ARGLU1: variants seen among roughly 807,000 people sequenced by gnomAD.
ARGLU1 encodes arginine and glutamate rich 1.
In ARGLU1, 9 loss-of-function variants were observed where a neutral mutation model predicts 37.6. The observed-to-expected ratio is 0.24, with a 90% CI of 0.14 to 0.42. The LOEUF (loss-of-function observed/expected upper bound fraction) is 0.42, where lower values mean the gene tolerates loss of function less well. Among genes scored for constraint, ARGLU1 ranks in the 10% least tolerant of loss-of-function variants. The pLI, the probability that ARGLU1 is intolerant of heterozygous loss-of-function variation, is 1.00. For missense variants in ARGLU1, 211 were observed against 359.2 expected (o/e 0.59, Z 3.34); for synonymous variants, 166 against 138.5 (o/e 1.20, Z -1.39).
rs529663583 is a variant in ARGLU1 at position 106,558,771 on chromosome 13, A to T, written c.573+661T>A. Reference sequence around the variant, plus strand: ...TCATAACTCTCTAGAGAAAAAAAGGAGTTGTTAGTAGATACTAAAAAAAGT... The same window carrying T: ...TCATAACTCTCTAGAGAAAAAAAGGTGTTGTTAGTAGATACTAAAAAAAGT... On this transcript the variant is annotated intron_variant, in intron 2 of 3. Coordinates refer to ENST00000400198, the MANE Select transcript of ARGLU1 (RefSeq NM_018011.4). The T allele has an allele frequency of 2.6e-5, 26 of 985,326 alleles. No homozygotes were observed. The Admixed American group carries it at 1.3e-3, about 49-fold the overall frequency. The allele number at this position is 985,326 out of a possible 1,614,324, so 61.0% of individuals were successfully genotyped here.
chr13:106,545,499 C>T (rs1488924208), intron 3 of ARGLU1, among the ~76,000 whole-genome samples: 5 of 151,966 alleles, frequency 3.3e-5, no homozygotes, highest in East Asian at 1.9e-4. Flanking sequence ...CTTTTAAAAA[C>T]GTTCTCTCTT....
At position 106,567,619 on chromosome 13, in the gene ARGLU1, G is replaced by C. The variant is rs1177488655; in HGVS notation, c.301C>G (p.Arg101Gly). The C allele has an allele frequency of 6.2e-7, 1 of 1,613,100 alleles. No individual in the cohort carries two copies. Among genetic ancestry groups the C allele is most frequent in the African/African-American group, 1.3e-5 (1 of 74,780 alleles). ...TCCGCTTTCTTCTCCTCCTCCTCTC[G>C]CTTCTGCTTCTCGTCCAGGCTGCTG... is the stretch of plus-strand genomic sequence containing the variant. ...KRSSLDEKQK[R>G]EEEEKKAEFE... The change falls in exon 1 of 4, where the codon CGA becomes GGA. Residue 101 changes from arginine (R) to glycine (G), a missense_variant. By Grantham distance (125) the Arg-to-Gly change is moderately radical. Transcript: ENST00000400198. This position sits in a 1 kb window ranked among gnomAD's most constrained non-coding sequence, Gnocchi z 4.3.
rs184909466 is a variant in ARGLU1 at position 106,553,930 on chromosome 13, C to A, written c.657+3118G>T. Among the ~76,000 whole-genome samples the A allele has an allele frequency of 8.1e-4, 124 of 152,288 alleles. 1 individual carries two copies. Among genetic ancestry groups the A allele is most frequent in the African/African-American group, 2.8e-3 (116 of 41,556 alleles). On this transcript the variant is annotated intron_variant, in intron 3 of 3. Coordinates refer to ENST00000400198, the MANE Select transcript of ARGLU1 (RefSeq NM_018011.4). ...GATGGCTGCTACTTTACTATAGCTCCTTCTTCCAATATCCCAAGTTTCCAC... is the reference window on the plus strand; with the variant it reads ...GATGGCTGCTACTTTACTATAGCTCATTCTTCCAATATCCCAAGTTTCCAC...
In ARGLU1 at chr13:106,567,899, C is replaced by T; in HGVS notation, c.21G>A (p.Arg7=). The T allele has an allele frequency of 6.2e-7, 1 of 1,609,616 alleles. No individual in the cohort carries two copies. The highest frequency in any genetic ancestry group is 8.5e-7 in the Non-Finnish European group (1 of 1,179,472). ...TGGTGTGCTTGGAGCGGGACGAGCT[C>T]CGGCTCCGAGACCGGCCCATCCTTC... MGRSRS[R]SSSRSKHTKS... Residue 7 remains arginine (R), a synonymous_variant, in exon 1 of 4, where the codon CGG becomes CGA. Transcript: ENST00000400198. This position sits in a 1 kb window ranked among gnomAD's most constrained non-coding sequence, Gnocchi z 4.3.
chr13:106,560,289 G>A (rs1382687403), intron 1 of ARGLU1, among the ~76,000 whole-genome samples: 1 of 152,126 alleles, frequency 6.6e-6, no homozygotes, highest in East Asian at 1.9e-4. Flanking sequence ...AAATGGGAAA[G>A]TGGGTAAAAA....
At chr13:106,562,998 AAAAAAAAAAAC>A (rs1384149436) in intron 1 of ARGLU1, among the ~76,000 whole-genome samples, 2 of 131,290 alleles carry the variant, frequency 1.5e-5, no homozygotes, top group Non-Finnish European at 3.2e-5. Context: ...CTCAAAAAAA[AAAAAAAAAAAC>A]AAAAAAAAAA....
rs1334112532 is a variant in ARGLU1, at chr13:106,557,174, T to A, written c.574-43A>T. On this transcript the variant is annotated intron_variant, in intron 2 of 3. Transcript: ENST00000400198. This position sits in a 1 kb window ranked among gnomAD's most constrained non-coding sequence, Gnocchi z 5.0. ...TTAAGATATTAGAAAAACAAAATGT[T>A]TATTTTTATTGATAAATATTTACTA... 1.3e-5 allele frequency: 19 copies of A among 1,490,824 alleles called. No individual in the cohort carries two copies. Among genetic ancestry groups the A allele is most frequent in the Non-Finnish European group, 1.7e-5 (18 of 1,072,628 alleles). 92.3% of individuals were successfully genotyped at this position (1,490,824 alleles called of 1,614,324 possible).
In ARGLU1 at chr13:106,567,439, G is replaced by A. The variant is rs1249152040; in HGVS notation, c.347+134C>T. On this transcript the variant is annotated intron_variant, in intron 1 of 3. Coordinates refer to ENST00000400198, the MANE Select transcript of ARGLU1 (RefSeq NM_018011.4). The surrounding 1 kb of genome is among the most constrained non-coding windows in gnomAD (Gnocchi z 4.3). ...CGCCCCGCCGCCGCCTCTCCGACCC[G>A]TTCCCGCGCCCGGTCCCCAGCCCCG... is the stretch of plus-strand genomic sequence containing the variant. 1.4e-5 allele frequency: 8 copies of A among 588,100 alleles called. No individual in the cohort carries two copies. Among genetic ancestry groups the A allele is most frequent in the African/African-American group, 2.0e-5 (1 of 49,244 alleles). 36.4% of individuals were successfully genotyped at this position (588,100 alleles called of 1,614,324 possible). A position where few individuals can be genotyped will look rare whatever the true frequency, so the allele number is the denominator to read the frequency against.
chr13:106,555,862 A>G (rs1880649816), intron 3 of ARGLU1, among the ~76,000 whole-genome samples: 2 of 152,136 alleles, frequency 1.3e-5, no homozygotes, highest in African/African-American at 2.4e-5. Context: ...TCTCTTTAAC[A>G]TGTCCTAATG....
intron 1 of ARGLU1, among the ~76,000 whole-genome samples, chr13:106,565,685 T>C (rs1344456152): frequency 6.6e-6 from 1 of 152,228 alleles, no homozygotes; most frequent in African/African-American, 2.4e-5. Flanking sequence ...TTCTTTTGCA[T>C]TGTTTCCAAG....
chr13:106,543,900 TA>T lies in ARGLU1; in HGVS notation c.*95del. Reference sequence around the variant, plus strand: ...AGCTAACTTTCCAGATTTTACAAATTAAAAAAACAAAAACAAAAACAAAAAA... The same window carrying T: ...AGCTAACTTTCCAGATTTTACAAATTAAAAAACAAAAACAAAAACAAAAAA... On this transcript the variant is annotated 3_prime_UTR_variant, in exon 4 of 4. Transcript: ENST00000400198. 1 of 1,276,408 alleles carries T rather than the reference TA, an allele frequency of 7.8e-7. No individual in the cohort carries two copies. The highest frequency in any genetic ancestry group is 1.1e-6 in the Non-Finnish European group (1 of 938,464). 79.1% of individuals were successfully genotyped at this position (1,276,408 alleles called of 1,614,324 possible).
At chr13:106,558,847 G>A (rs1396201138) in intron 2 of ARGLU1, 1 of 985,228 alleles carries the variant, frequency 1.0e-6, no homozygotes, top group Non-Finnish European at 1.2e-6. Flanking sequence ...AAACACATTA[G>A]GAAAATGGAG....
chr13:106,546,185 T>C (rs1880386282), intron 3 of ARGLU1, among the ~76,000 whole-genome samples: 1 of 152,194 alleles, frequency 6.6e-6, no homozygotes, highest in Non-Finnish European at 1.5e-5. Flanking sequence ...TCTAAAATGG[T>C]GCCCGTTTCC....
Position 106,557,832 on chromosome 13 carries a change from G to C in ARGLU1, c.574-701C>G. On this transcript the variant is annotated intron_variant, in intron 2 of 3. Coordinates refer to ENST00000400198, the MANE Select transcript of ARGLU1 (RefSeq NM_018011.4). The surrounding 1 kb of genome is among the most constrained non-coding windows in gnomAD (Gnocchi z 5.0). ...ATACAAATGGTAATCCATACTTCAT[G>C]GAACTACGGGCTTCTTCCATGGGGA... 3 of 1,232,050 alleles carry C rather than the reference G, an allele frequency of 2.4e-6. No homozygotes were observed. Among genetic ancestry groups the C allele is most frequent in the Non-Finnish European group, 3.0e-6 (3 of 985,062 alleles). The allele number at this position is 1,232,050 out of a possible 1,614,324, so 76.3% of individuals were successfully genotyped here. A position where few individuals can be genotyped will look rare whatever the true frequency, so the allele number is the denominator to read the frequency against.
intron 3 of ARGLU1, among the ~76,000 whole-genome samples, chr13:106,554,956 A>C (rs1880626183): frequency 6.6e-6 from 1 of 152,168 alleles, no homozygotes; most frequent in Non-Finnish European, 1.5e-5. Context: ...CACTATAAGC[A>C]AACATGTTAA....
In ARGLU1 at chr13:106,543,879, A is replaced by T; in HGVS notation, c.*117T>A. ...AGCATAGCCCCTATTAGAACAAGCT[A>T]ACTTTCCAGATTTTACAAATTAAAA... On this transcript the variant is annotated 3_prime_UTR_variant, in exon 4 of 4. Transcript: ENST00000400198. 9.4e-7 allele frequency: 1 copy of T among 1,065,442 alleles called. No individual in the cohort carries two copies. The highest frequency in any genetic ancestry group is 1.3e-6 in the Non-Finnish European group (1 of 757,530). The allele number at this position is 1,065,442 out of a possible 1,614,324, so 66.0% of individuals were successfully genotyped here.
rs1316669992 is a variant in ARGLU1 at position 106,568,121 on chromosome 13, C to G, written c.-202G>C. On this transcript the variant is annotated 5_prime_UTR_variant, in exon 1 of 4. Coordinates refer to ENST00000400198, the MANE Select transcript of ARGLU1 (RefSeq NM_018011.4). ...CGAGAAACCCGTAGCGCCAGGCGCCCCTAAGATGGCAGCTGCGGCTGCACC... is the reference window on the plus strand; with the variant it reads ...CGAGAAACCCGTAGCGCCAGGCGCCGCTAAGATGGCAGCTGCGGCTGCACC... The G allele has an allele frequency of 1.2e-5, 9 of 760,566 alleles. No individual in the cohort carries two copies. In the African/African-American group the frequency reaches 1.5e-4, roughly 13 times the overall value. 47.1% of individuals were successfully genotyped at this position (760,566 alleles called of 1,614,324 possible). A position where few individuals can be genotyped will look rare whatever the true frequency, so the allele number is the denominator to read the frequency against.
intron 3 of ARGLU1, among the ~76,000 whole-genome samples, chr13:106,549,189 A>G (rs1221717182): frequency 6.6e-6 from 1 of 152,226 alleles, no homozygotes; most frequent in Non-Finnish European, 1.5e-5. Flanking sequence ...GAGATACTGA[A>G]ATCTATTCTC....
At position 106,553,051 on chromosome 13, in the gene ARGLU1, T is replaced by C. The variant is rs112213892; in HGVS notation, c.657+3997A>G. ...TCTGTGAACTTGTGTCACAAAAGGC[T>C]ACTTAAAAGTCAAAAGTATGACTTT... On this transcript the variant is annotated intron_variant, in intron 3 of 3. Coordinates refer to ENST00000400198, the MANE Select transcript of ARGLU1 (RefSeq NM_018011.4). Among the ~76,000 whole-genome samples the C allele has an allele frequency of 3.5e-3, 535 of 152,326 alleles. 3 individuals are homozygous for C. The highest frequency in any genetic ancestry group is 0.012 in the African/African-American group (509 of 41,586).
Sources: allele counts gnomAD v4.1 joint callset (sites outside exome capture counted in the v4.1 genomes callset), GRCh38; gene constraint gnomAD v4.1.1; non-coding constraint Gnocchi (gnomAD v3.1); transcripts MANE v1.5; gene names NCBI Gene and HGNC (gene_info 2026-07-23, HGNC 2026-07-21).